The following MOCS1 variants were observed in gnomAD, a reference collection of about 807,000 sequenced individuals.
MOCS1 encodes the protein molybdenum cofactor synthesis 1.
In MOCS1, 39 loss-of-function variants were observed where a neutral mutation model predicts 57.6. The observed-to-expected ratio is 0.68, with a 90% CI of 0.52 to 0.88. The LOEUF is 0.88. Ranked by LOEUF, MOCS1 falls within the 40% of genes least tolerant of loss-of-function variation. The pLI is 0.00. For missense variants in MOCS1, 795 were observed against 831.1 expected (o/e 0.96, Z 0.53); for synonymous variants, 334 against 335.7 (o/e 1.00, Z 0.05).
intron 3 of MOCS1, among the ~76,000 whole-genome samples, chr6:39,925,132 C>G (rs1562099362): frequency 2.0e-5 from 3 of 152,178 alleles, no homozygotes; most frequent in African/African-American, 7.2e-5. Context: ...GACAAAAACA[C>G]ATGTCGGCCC....
chr6:39,911,111 A>G (rs1205333423), intron 8 of MOCS1, among the ~76,000 whole-genome samples: 1 of 152,116 alleles, frequency 6.6e-6, no homozygotes, highest in East Asian at 1.9e-4. Flanking sequence ...TTAATCTTAT[A>G]TGTTATAAAT....
At chr6:39,934,270 G>C (rs761857638) in intron 1 of MOCS1, 25 bp downstream of exon 1, 1 of 1,530,146 alleles carries the variant, frequency 6.5e-7, no homozygotes, top group Non-Finnish European at 8.7e-7. Flanking sequence ...CCGGGAAGCT[G>C]TGGACGCAGG....
intron 7 of MOCS1, 111 bp downstream of exon 7, chr6:39,912,781 C>T (rs1488645736): frequency 2.3e-6 from 2 of 857,764 alleles, no homozygotes; most frequent in African/African-American, 3.3e-5. Flanking sequence ...TAAATGGTAC[C>T]ATCCCACATC....
intron 10 of MOCS1, among the ~76,000 whole-genome samples, 200 bp downstream of exon 10, chr6:39,908,855 T>C (rs575095304): frequency 6.6e-6 from 1 of 151,948 alleles, no homozygotes; most frequent in South Asian, 2.1e-4. Context: ...GTGGCAGGTA[T>C]AGTAAGGGGG....
intron 7 of MOCS1, 70 bp downstream of exon 7, chr6:39,912,822 C>T: frequency 2.5e-6 from 3 of 1,196,742 alleles, no homozygotes; most frequent in Non-Finnish European, 3.8e-6. Flanking sequence ...CAGCTCCCTG[C>T]TAGCTCTCCA....
intron 3 of MOCS1, among the ~76,000 whole-genome samples, chr6:39,922,300 C>T (rs1000555897): frequency 5.3e-5 from 8 of 152,236 alleles, no homozygotes; most frequent in South Asian, 2.1e-4. Context: ...TCTTGGGAAG[C>T]TCTATGGCAA....
rs1766761207 is a variant in MOCS1 at position 39,905,008 on chromosome 6, G to A, written c.*1349C>T. On this transcript the variant is annotated 3_prime_UTR_variant, in exon 11 of 11. Transcript: ENST00000340692. ...ATTTTGCAAGCCATTTGACATACTG[G>A]TAGCTTGAAATTATTCAACATGGGA... The A allele has an allele frequency of 2.2e-6, 1 of 453,928 alleles. No homozygotes were observed. The highest frequency in any genetic ancestry group is 1.6e-5 in the South Asian group (1 of 64,480). The allele number at this position is 453,928 out of a possible 1,614,324, so 28.1% of individuals were successfully genotyped here.
chr6:39,921,384 G>A (rs538504989), intron 3 of MOCS1, among the ~76,000 whole-genome samples: 51 of 146,592 alleles, frequency 3.5e-4, no homozygotes, highest in African/African-American at 1.2e-3. Context: ...GGGCGACAGA[G>A]CAAGACTACG....
chr6:39,905,892 G>A lies in MOCS1; in HGVS notation c.*465C>T, dbSNP rs1374956244. 2.1e-6 allele frequency: 1 copy of A among 469,684 alleles called. No homozygotes were observed. The highest frequency in any genetic ancestry group is 6.9e-5 in the East Asian group (1 of 14,406). 29.1% of individuals were successfully genotyped at this position (469,684 alleles called of 1,614,324 possible). On this transcript the variant is annotated 3_prime_UTR_variant, in exon 11 of 11. Transcript: ENST00000340692. The stretch of plus-strand genomic sequence containing the variant: ...AGGCAGAGCTGCCGGGGAGAAGTTG[G>A]GATCCATTCTTCAGGCAAGCTTGTG...
In MOCS1 at chr6:39,909,943, C is replaced by A; in HGVS notation, c.994G>T (p.Gly332Ter). 1 of 1,613,548 alleles carries A rather than the reference C, an allele frequency of 6.2e-7. No individual in the cohort carries two copies. The highest frequency in any genetic ancestry group is 8.5e-7 in the Non-Finnish European group (1 of 1,180,002). The change falls in exon 9 of 11, where the codon GGA becomes TGA. Residue 332 changes from glycine to a stop codon, truncating the protein, a stop_gained. Transcript: ENST00000340692. LOFTEE classifies it high-confidence loss of function. The part of the protein sequence containing the change: ...ADGNLKVCLF[G>*]NSEVSLRDHL... ...TCCCGCAGGGATACCTCAGAGTTTCCAAAGAGGCAGACCTACATGTGGGTG... is the reference window on the plus strand; with the variant it reads ...TCCCGCAGGGATACCTCAGAGTTTCAAAAGAGGCAGACCTACATGTGGGTG...
At chr6:39,926,830 T>C (rs1273732161) in intron 2 of MOCS1, among the ~76,000 whole-genome samples, 2 of 147,398 alleles carry the variant, frequency 1.4e-5, no homozygotes, top group Non-Finnish European at 3.0e-5. Context: ...CAGCAGTGGC[T>C]ACAGATCCAG....
Position 39,906,843 on chromosome 6 carries a change from G to C in MOCS1, c.1425C>G (p.Pro475=). The C allele has an allele frequency of 1.2e-6, 2 of 1,614,206 alleles. No homozygotes were observed. Among genetic ancestry groups the C allele is most frequent in the Non-Finnish European group, 1.7e-6 (2 of 1,180,052 alleles). Residue 475 remains proline, a synonymous_variant, in exon 11 of 11, where the codon CCC becomes CCG. Coordinates refer to ENST00000340692, the MANE Select transcript of MOCS1 (RefSeq NM_001358530.2). Reference sequence around the variant, plus strand: ...GAGTTAGTTGTTCTGAGGTTAGCTGGGGTCCTGAGGGGGCAGCAGAAGCCC... The same window carrying C: ...GAGTTAGTTGTTCTGAGGTTAGCTGCGGTCCTGAGGGGGCAGCAGAAGCCC... ...GSWASAAPSG[P]QLTSEQLTHV...
At chr6:39,913,537 C>T in intron 5 of MOCS1, 109 bp from the exon 6 acceptor site, 4 of 1,012,996 alleles carry the variant, frequency 3.9e-6, no homozygotes, top group Non-Finnish European at 6.1e-6. Context: ...GGGACCCATT[C>T]CTTGCTTCTC....
At position 39,909,120 on chromosome 6, in the gene MOCS1, T is replaced by TGGGGAGGGAGAGGAAAGCA. The variant is rs1562085446; in HGVS notation, c.1103-37_1103-19dup. On this transcript the variant is annotated intron_variant, in intron 9 of 10. Coordinates refer to ENST00000340692, the MANE Select transcript of MOCS1 (RefSeq NM_001358530.2). ...GAACATGCCTGGGGTGAGGGAAAGA[T>TGGGGAGGGAGAGGAAAGCA]GGGGAGGGAGAGGAAAGCAGGGGAG... The TGGGGAGGGAGAGGAAAGCA allele has an allele frequency of 2.0e-6, 3 of 1,470,242 alleles. No individual in the cohort carries two copies. The highest frequency in any genetic ancestry group is 4.0e-5 in the Admixed American group (2 of 49,406). 91.1% of individuals were successfully genotyped at this position (1,470,242 alleles called of 1,614,324 possible).
At chr6:39,917,929 T>C (rs1923485) in intron 3 of MOCS1, among the ~76,000 whole-genome samples, 96,909 of 151,996 alleles carry the variant, frequency 0.64, 31,222 homozygotes, top group East Asian at 0.85. Context: ...ATACAAAAGA[T>C]CAAAGAATGA....
chr6:39,918,640 CT>C (rs565475698), intron 3 of MOCS1, among the ~76,000 whole-genome samples: 161 of 152,242 alleles, frequency 1.1e-3, no homozygotes, highest in African/African-American at 3.8e-3. Context: ...CAAAATGACT[CT>C]ATAAAATCAT....
In MOCS1 at chr6:39,925,730, G is replaced by T; in HGVS notation, c.366C>A (p.Ile122=). 6.2e-7 allele frequency: 1 copy of T among 1,612,814 alleles called. No homozygotes were observed. Among genetic ancestry groups the T allele is most frequent in the Non-Finnish European group, 8.5e-7 (1 of 1,179,978 alleles). ...TAAGCGGCTCTCCACCTGTGAGCCG[G>T]ATCTTGTCGATGCCTTCCTTCACAA... ...RLFVKEGIDK[I]RLTGGEPLIR... is the part of the protein sequence containing the mutation. Residue 122 remains isoleucine (I), a synonymous_variant, in exon 3 of 11, where the codon ATC becomes ATA. Transcript: ENST00000340692.
At chr6:39,907,436 C>A (rs1203405453) in intron 10 of MOCS1, among the ~76,000 whole-genome samples, 1 of 152,106 alleles carries the variant, frequency 6.6e-6, no homozygotes, top group Non-Finnish European at 1.5e-5. Context: ...TCAAGCAGCA[C>A]CAAGTTGAGG....
chr6:39,929,245 C>A (rs1482577185), intron 1 of MOCS1, among the ~76,000 whole-genome samples: 1 of 152,156 alleles, frequency 6.6e-6, no homozygotes, highest in Non-Finnish European at 1.5e-5. Context: ...GCTATAATCA[C>A]AACAGTCACT....
Sources: gnomAD v4.1 joint callset for allele counts (sites outside exome capture counted in the v4.1 genomes callset) on GRCh38, gnomAD v4.1.1 for gene constraint, MANE v1.5 for transcripts, NCBI Gene and HGNC (gene_info 2026-07-23, HGNC 2026-07-21) for gene names.